The following TERB1 variants were observed in gnomAD, a reference collection of about 807,000 sequenced individuals.
TERB1 encodes telomere repeat binding bouquet formation protein 1, also known as telomere repeats-binding bouquet formation protein 1.
A neutral mutation model predicts 92.3 loss-of-function variants in TERB1; 63 were observed. The ratio of observed to expected loss-of-function variants is 0.68; its 90% CI spans 0.56 to 0.84. TERB1 has a LOEUF of 0.84. TERB1 is among the 40% of genes least tolerant of loss of function. The pLI is 0.00. For missense variants in TERB1, 709 were observed against 843.7 expected (o/e 0.84, Z 1.98); for synonymous variants, 252 against 283.9 (o/e 0.89, Z 1.13).
intron 18 of TERB1, among the ~76,000 whole-genome samples, chr16:66,757,215 G>A (rs371727172): frequency 5.3e-5 from 8 of 152,108 alleles, no homozygotes; most frequent in African/African-American, 1.4e-4. Flanking sequence ...TTTGGTTTTA[G>A]CTAAAGCAAG....
At chr16:66,760,435 T>C (rs1383868622) in intron 16 of TERB1, among the ~76,000 whole-genome samples, 24 of 113,862 alleles carry the variant, frequency 2.1e-4, no homozygotes, top group African/African-American at 4.0e-4. Flanking sequence ...CCAACCTGGG[T>C]GACAGAGCGA....
At chr16:66,756,985 A>G (rs2018148440) in intron 18 of TERB1, among the ~76,000 whole-genome samples, 1 of 152,208 alleles carries the variant, frequency 6.6e-6, no homozygotes, top group African/African-American at 2.4e-5. Context: ...GGAAATCTGT[A>G]AATGCTTAGG....
intron 9 of TERB1, among the ~76,000 whole-genome samples, chr16:66,779,685 A>G (rs2018604992): frequency 6.6e-6 from 1 of 152,200 alleles, no homozygotes; most frequent in Non-Finnish European, 1.5e-5. Context: ...ATAGAGTTAT[A>G]AAGAATATAT....
At chr16:66,758,026 C>G (rs1244975795) in intron 18 of TERB1, among the ~76,000 whole-genome samples, 1 of 152,182 alleles carries the variant, frequency 6.6e-6, no homozygotes, top group Non-Finnish European at 1.5e-5. Context: ...CTCTGAAGCA[C>G]TTGTGCATAA....
At chr16:66,788,075 A>G in intron 6 of TERB1, 94 bp downstream of exon 6, 1 of 1,072,710 alleles carries the variant, frequency 9.3e-7, no homozygotes, top group African/African-American at 1.7e-5. Context: ...AACACAAAAA[A>G]ACAAAACTGA....
Position 66,786,101 on chromosome 16 carries a change from A to G in TERB1, c.490T>C (p.Leu164=). The G allele has an allele frequency of 6.4e-7, 1 of 1,551,374 alleles. No individual in the cohort carries two copies. Among genetic ancestry groups the G allele is most frequent in the Non-Finnish European group, 8.7e-7 (1 of 1,146,718 alleles). ...RTVISKHELD[L]SDKNVFQSYQ... Reference sequence around the variant, plus strand: ...CTCTGGAAAACATTTTTATCTGACAAATCCAACTCATGTTTTGAAATAACT... The same window carrying G: ...CTCTGGAAAACATTTTTATCTGACAGATCCAACTCATGTTTTGAAATAACT... Residue 164 remains leucine (L), a synonymous_variant, in exon 8 of 19, where the codon TTG becomes CTG. Transcript: ENST00000433154.
chr16:66,775,505 G>A (rs1472040091), intron 11 of TERB1, among the ~76,000 whole-genome samples: 1 of 151,902 alleles, frequency 6.6e-6, no homozygotes, highest in African/African-American at 2.4e-5. Context: ...ATGGTGGCAG[G>A]CACTTGTAAT....
At chr16:66,784,096 AT>A (rs2145194690) in intron 9 of TERB1, among the ~76,000 whole-genome samples, 1 of 152,354 alleles carries the variant, frequency 6.6e-6, no homozygotes, top group Non-Finnish European at 1.5e-5. Context: ...GTTAAGATCT[AT>A]AGTGATGTCA....
intron 14 of TERB1, among the ~76,000 whole-genome samples, chr16:66,769,604 GATT>G (rs1204740060): frequency 4.6e-5 from 7 of 152,190 alleles, no homozygotes; most frequent in Non-Finnish European, 7.4e-5. Flanking sequence ...CTATACTGCT[GATT>G]ATCAATGCAC....
intron 9 of TERB1, among the ~76,000 whole-genome samples, chr16:66,783,886 G>A (rs189468341): frequency 1.3e-5 from 2 of 152,208 alleles, no homozygotes; most frequent in South Asian, 2.1e-4. Context: ...ATGCGCCACC[G>A]TGCCCAGCTT....
At position 66,772,603 on chromosome 16, in the gene TERB1, T is replaced by C; in HGVS notation, c.1258A>G (p.Arg420Gly). ...AAGAATCCAACCTCATTTCCTTCTC[T>C]TTCAAGCTGTTCTATTCTGTGTAGA... The part of the protein sequence containing the change: ...EILHRIEQLE[R>G]EGNEEEIQRE... The change falls in exon 13 of 19, where the codon AGA (arginine) becomes GGA (glycine). Residue 420 changes from arginine (R) to glycine (G), a missense_variant. Arg to Gly is a moderately radical substitution (Grantham distance 125). Coordinates refer to ENST00000433154, the MANE Select transcript of TERB1 (RefSeq NM_001136505.2). 2 of 1,545,364 alleles carry C rather than the reference T, an allele frequency of 1.3e-6. No homozygotes were observed. The highest frequency in any genetic ancestry group is 1.7e-6 in the Non-Finnish European group (2 of 1,145,552).
At position 66,775,247 on chromosome 16, in the gene TERB1, G is replaced by C; in HGVS notation, c.986-4C>G. 6.5e-7 allele frequency: 1 copy of C among 1,548,342 alleles called. No homozygotes were observed. The highest frequency in any genetic ancestry group is 8.7e-7 in the Non-Finnish European group (1 of 1,144,320). ...AAAAGGTCATACTGATTTTCCTCTG[G>C]AAAACATAAACAAAGAGGACAATGT... On this transcript the variant is annotated splice_region_variant and splice_polypyrimidine_tract_variant and intron_variant, in intron 11 of 18. Transcript: ENST00000433154.
At chr16:66,789,009 T>A (rs953219208) in intron 5 of TERB1, among the ~76,000 whole-genome samples, 1 of 119,688 alleles carries the variant, frequency 8.4e-6, no homozygotes, top group Admixed American at 9.2e-5. Flanking sequence ...AAGTGGTGGG[T>A]ATGGTACCAA....
intron 14 of TERB1, among the ~76,000 whole-genome samples, chr16:66,769,645 C>T (rs2018409577): frequency 2.0e-5 from 3 of 152,190 alleles, no homozygotes; most frequent in African/African-American, 4.8e-5. Flanking sequence ...AAAGGGTTTC[C>T]GTTTAGGTTT....
chr16:66,781,074 CT>C (rs1256356254), intron 9 of TERB1, among the ~76,000 whole-genome samples: 1 of 152,100 alleles, frequency 6.6e-6, no homozygotes, highest in Non-Finnish European at 1.5e-5. Context: ...GAGACAAAGT[CT>C]TGTTCTGGCT....
intron 16 of TERB1, among the ~76,000 whole-genome samples, chr16:66,765,916 C>G (rs563608899): frequency 2.6e-4 from 31 of 119,800 alleles, no homozygotes; most frequent in African/African-American, 9.7e-4. Context: ...CCAGGCCGGA[C>G]TGCGGACTGC....
chr16:66,795,311 T>C (rs951504085), intron 3 of TERB1, among the ~76,000 whole-genome samples: 1 of 152,228 alleles, frequency 6.6e-6, no homozygotes, highest in African/African-American at 2.4e-5. Flanking sequence ...GGATAAATAC[T>C]CTTCACCCTT....
At chr16:66,781,811 T>C (rs2018643444) in intron 9 of TERB1, among the ~76,000 whole-genome samples, 1 of 152,182 alleles carries the variant, frequency 6.6e-6, no homozygotes, top group Non-Finnish European at 1.5e-5. Context: ...TGAGCCACCG[T>C]GCTGGGCCCA....
chr16:66,755,765 ACT>A (rs1470034003), intron 18 of TERB1, among the ~76,000 whole-genome samples: 3 of 152,072 alleles, frequency 2.0e-5, no homozygotes, highest in Non-Finnish European at 4.4e-5. Context: ...ACAGAGCAAG[ACT>A]CTGTCTCAAA....
Sources: allele counts gnomAD v4.1 joint callset (sites outside exome capture counted in the v4.1 genomes callset), GRCh38; gene constraint gnomAD v4.1.1; transcripts MANE v1.5; gene names NCBI Gene and HGNC (gene_info 2026-07-23, HGNC 2026-07-21).